CLIP1: variants seen among roughly 807,000 people sequenced by gnomAD.
CLIP1 encodes the protein CAP-Gly domain-containing linker protein 1.
In CLIP1, 66 loss-of-function variants were observed where a neutral mutation model predicts 161.6. That is an observed-to-expected ratio of 0.41 (90% confidence interval 0.33 to 0.50). CLIP1 has a LOEUF of 0.50. Among genes scored for constraint, CLIP1 ranks in the 20% least tolerant of loss-of-function variants. CLIP1 has a pLI of 0.27. For synonymous variants in CLIP1, 598 were observed against 626.2 expected (o/e 0.96, Z 0.67); for missense variants, 1,376 against 1,702.0 (o/e 0.81, Z 3.37).
chr12:122,343,680 G>C (rs540457789), intron 10 of CLIP1: 3 of 152,170 alleles, frequency 2.0e-5, no homozygotes, highest in African/African-American at 4.8e-5. Flanking sequence ...TTTGAGCTCC[G>C]GGATAGTACC....
chr12:122,365,556 G>A (rs7976580), intron 3 of CLIP1: 19 of 1,192,534 alleles, frequency 1.6e-5, no homozygotes, highest in Non-Finnish European at 1.3e-6. Context: ...GCTCCACCCA[G>A]AGAAGCACAC....
At chr12:122,337,786 T>C (rs1593102774) in intron 11 of CLIP1, among the ~76,000 whole-genome samples, 1 of 151,648 alleles carries the variant, frequency 6.6e-6, no homozygotes, top group African/African-American at 2.4e-5. Flanking sequence ...GAGGCAGAGG[T>C]GGGCGGATCA....
At chr12:122,276,555 C>A in intron 24 of CLIP1, 9 of 1,149,054 alleles carry the variant, frequency 7.8e-6, no homozygotes, top group Non-Finnish European at 1.0e-5. Flanking sequence ...ACAAAGAGGA[C>A]AATGCTAATC....
chr12:122,353,323 CTGAG>C (rs779639315), intron 7 of CLIP1, among the ~76,000 whole-genome samples: 11 of 152,286 alleles, frequency 7.2e-5, no homozygotes, highest in Admixed American at 6.5e-4. Flanking sequence ...GGCTGCACAA[CTGAG>C]TGAGACCTTG....
chr12:122,314,550 C>G (rs549476288), intron 19 of CLIP1, among the ~76,000 whole-genome samples: 1 of 152,256 alleles, frequency 6.6e-6, no homozygotes, highest in Admixed American at 6.5e-5. Context: ...CCCCAAGAAC[C>G]CTCTTGGCCA....
At chr12:122,394,609 C>T (rs1392172098) in intron 1 of CLIP1, among the ~76,000 whole-genome samples, 1 of 151,652 alleles carries the variant, frequency 6.6e-6, no homozygotes, top group Non-Finnish European at 1.5e-5. Context: ...TCCTTTAGGC[C>T]AGGCACAGTG....
intron 1 of CLIP1, chr12:122,396,462 G>C (rs1003966795): frequency 6.6e-6 from 1 of 152,136 alleles, no homozygotes; most frequent in African/African-American, 2.4e-5. Context: ...TTCTGAAATT[G>C]AAGGGAACTG....
At chr12:122,338,611 G>A (rs1163059929) in intron 11 of CLIP1, among the ~76,000 whole-genome samples, 1 of 152,106 alleles carries the variant, frequency 6.6e-6, no homozygotes, top group African/African-American at 2.4e-5. Flanking sequence ...TGGCTACTCG[G>A]GAGGCTGAGG....
intron 20 of CLIP1, among the ~76,000 whole-genome samples, chr12:122,295,107 T>C (rs1228850650): frequency 2.0e-5 from 3 of 150,690 alleles, no homozygotes; most frequent in South Asian, 2.1e-4. Flanking sequence ...AAATTAAAAA[T>C]AGAAAAAGAT....
intron 1 of CLIP1, among the ~76,000 whole-genome samples, chr12:122,384,802 GTTTC>G (rs1040006548): frequency 1.3e-5 from 2 of 149,070 alleles, no homozygotes; most frequent in African/African-American, 4.9e-5. Context: ...ATTCTCTCCA[GTTTC>G]TTTTTTTTTT....
Position 122,273,076 on chromosome 12 carries a change from C to T in CLIP1, c.4116G>A (p.Lys1372=), listed in dbSNP as rs1955238467. ...TGTCACAGAAGAGGCGAGGTTTCTTCTTGGACTGTTTCTCCTGATCATCAC... is the reference window on the plus strand; with the variant it reads ...TGTCACAGAAGAGGCGAGGTTTCTTTTTGGACTGTTTCTCCTGATCATCAC... ...YDSDDQEKQS[K]KKPRLFCDIC... Residue 1372 remains lysine, a synonymous_variant, in exon 26 of 26, where the codon AAG becomes AAA. Transcript: ENST00000620786. 2 of 1,614,000 alleles carry T rather than the reference C, an allele frequency of 1.2e-6. No individual in the cohort carries two copies. Among genetic ancestry groups the T allele is most frequent in the African/African-American group, 2.7e-5 (2 of 74,912 alleles).
chr12:122,409,275 G>A (rs1450019256), intron 1 of CLIP1, among the ~76,000 whole-genome samples: 2 of 148,624 alleles, frequency 1.3e-5, no homozygotes, highest in African/African-American at 5.0e-5. Flanking sequence ...ACAGGCATGC[G>A]CAACCACGCC....
At chr12:122,318,934 G>A (rs963278887) in intron 18 of CLIP1, among the ~76,000 whole-genome samples, 1 of 152,182 alleles carries the variant, frequency 6.6e-6, no homozygotes, top group Non-Finnish European at 1.5e-5. Flanking sequence ...CAATGTGTGT[G>A]ATGTAAGATC....
chr12:122,404,879 G>A (rs1297001978), intron 1 of CLIP1, among the ~76,000 whole-genome samples: 1 of 139,034 alleles, frequency 7.2e-6, no homozygotes, highest in African/African-American at 2.7e-5. Context: ...CAGCCCGGGT[G>A]ACAGAGCGAG....
At chr12:122,298,162 A>G (rs1180849967) in intron 20 of CLIP1, among the ~76,000 whole-genome samples, 4 of 152,094 alleles carry the variant, frequency 2.6e-5, no homozygotes, top group Non-Finnish European at 5.9e-5. Flanking sequence ...GTATCATCAC[A>G]CTAAACTCTC....
rs1955415076 is a variant in CLIP1, at chr12:122,276,084, A to G, written c.3967-1922T>C. Among the ~76,000 whole-genome samples, 3 of 152,250 alleles carry G rather than the reference A, an allele frequency of 2.0e-5. No individual in the cohort carries two copies. The South Asian group carries it at 6.2e-4, about 31-fold the overall frequency. ...AAAAGTCTCATTTCTCTAAACTGAA[A>G]GATCCCACTTTACAATATTTAAAAT... On this transcript the variant is annotated intron_variant, in intron 24 of 25. Coordinates refer to ENST00000620786, the MANE Select transcript of CLIP1 (RefSeq NM_001247997.2).
intron 20 of CLIP1, among the ~76,000 whole-genome samples, chr12:122,293,404 G>T (rs1439513355): frequency 6.6e-6 from 1 of 151,846 alleles, no homozygotes; most frequent in African/African-American, 2.4e-5. Context: ...AAGTATGTGG[G>T]ATAACCGGAA....
intron 1 of CLIP1, among the ~76,000 whole-genome samples, chr12:122,389,619 C>T (rs571322424): frequency 1.3e-5 from 2 of 151,736 alleles, no homozygotes; most frequent in East Asian, 1.9e-4. Context: ...ATTAGCCGGG[C>T]GTGGTGGTGC....
At chr12:122,359,270 C>G (rs531960305) in intron 5 of CLIP1, among the ~76,000 whole-genome samples, 1 of 152,184 alleles carries the variant, frequency 6.6e-6, no homozygotes, top group Non-Finnish European at 1.5e-5. Flanking sequence ...CAGAAACTCA[C>G]GTCTCTTTTG....
Sources: gnomAD v4.1 joint callset for allele counts (sites outside exome capture counted in the v4.1 genomes callset) on GRCh38, gnomAD v4.1.1 for gene constraint, MANE v1.5 for transcripts, NCBI Gene and HGNC (gene_info 2026-07-23, HGNC 2026-07-21) for gene names.